PCDHA10: variants seen among roughly 807,000 people sequenced by gnomAD.
PCDHA10 encodes the protein protocadherin alpha-10.
PCDHA10 carries 45 observed loss-of-function variants against 61.2 expected under a neutral mutation model. The observed-to-expected ratio is 0.74, with a 90% CI of 0.58 to 0.94. PCDHA10 has a LOEUF of 0.94. Among genes scored for constraint, PCDHA10 ranks in the 40% least tolerant of loss-of-function variants. The probability of loss-of-function intolerance (pLI) is 0.00; values close to 1 mark genes in which losing one functional copy is unlikely to be tolerated. For missense variants in PCDHA10, 1,278 were observed against 1,236.2 expected, an observed-to-expected ratio of 1.03 and a Z score of -0.51; for synonymous variants, 602 against 548.8, an observed-to-expected ratio of 1.10 and a Z score of -1.35.
chr5:140,883,552 G>A, intron 1 of PCDHA10: 2 of 1,614,234 alleles, frequency 1.2e-6, no homozygotes, highest in South Asian at 1.1e-5. Flanking sequence ...TGACCGCGCG[G>A]GACGGGGGCT....
At chr5:140,903,608 C>G (rs2070424862) in intron 1 of PCDHA10, among the ~76,000 whole-genome samples, 1 of 152,124 alleles carries the variant, frequency 6.6e-6, no homozygotes, top group African/African-American at 2.4e-5. Flanking sequence ...GCTTAATACA[C>G]ATGAATGTGC....
At chr5:140,912,292 C>A (rs527420621) in intron 1 of PCDHA10, among the ~76,000 whole-genome samples, 13 of 152,184 alleles carry the variant, frequency 8.5e-5, no homozygotes, top group Non-Finnish European at 1.8e-4. Context: ...CAATACTTTG[C>A]CTCCTGTAAT....
chr5:140,940,195 T>C (rs2092570084), intron 1 of PCDHA10, among the ~76,000 whole-genome samples: 1 of 152,220 alleles, frequency 6.6e-6, no homozygotes, highest in African/African-American at 2.4e-5. Flanking sequence ...TTTACATGGG[T>C]GTAAAATTCA....
intron 1 of PCDHA10, among the ~76,000 whole-genome samples, chr5:140,956,551 C>G (rs995941205): frequency 1.3e-5 from 2 of 152,148 alleles, no homozygotes; most frequent in Non-Finnish European, 2.9e-5. Flanking sequence ...ATTTGGTTTG[C>G]CAGTATCTTA....
At chr5:140,868,860 A>C (rs2050688614) in intron 1 of PCDHA10, 1 of 525,418 alleles carries the variant, frequency 1.9e-6, no homozygotes, top group Admixed American at 3.7e-5. Context: ...GTGGTGGTAA[A>C]TGCAGTGCAC....
intron 1 of PCDHA10, among the ~76,000 whole-genome samples, chr5:140,961,052 G>A (rs942442138): frequency 7.9e-5 from 12 of 152,272 alleles, no homozygotes; most frequent in African/African-American, 2.9e-4. Flanking sequence ...TTAACAAAAT[G>A]TTGAATGGGA....
rs70988781 is a variant in PCDHA10 at position 140,941,319 on chromosome 5, CTT to C, written c.2389-37616_2389-37615del. Among the ~76,000 whole-genome samples, 109 of 104,374 alleles carry C rather than the reference CTT, an allele frequency of 1.0e-3. 2 individuals are homozygous for C. Among genetic ancestry groups the C allele is most frequent in the East Asian group, 2.8e-3 (11 of 3,932 alleles). The allele number at this position is 104,374 out of a possible 152,430, so 68.5% of individuals were successfully genotyped here. A position where few individuals can be genotyped will look rare whatever the true frequency, so the allele number is the denominator to read the frequency against. ...TTCTTTCTTTCTTTTTCTTCTTTCT[CTT>C]TTTTTTTTTTTTTCAGATGGAGTCT... On this transcript the variant is annotated intron_variant, in intron 1 of 3. Coordinates refer to ENST00000307360, the MANE Select transcript of PCDHA10 (RefSeq NM_018901.4).
chr5:140,882,935 ACTGGCACAGTTCAG>A (rs2153388631), intron 1 of PCDHA10: 1 of 1,614,238 alleles, frequency 6.2e-7, no homozygotes, highest in East Asian at 2.2e-5. Flanking sequence ...ACCCGAGCTG[ACTGGCACAGTTCAG>A]CTGCTCATCA....
intron 1 of PCDHA10, chr5:140,966,476 C>G: frequency 2.3e-6 from 1 of 432,972 alleles, no homozygotes; most frequent in Non-Finnish European, 4.0e-6. Flanking sequence ...CTTCTGTTTC[C>G]TTTTCCCTCC....
intron 1 of PCDHA10, among the ~76,000 whole-genome samples, chr5:140,880,929 A>T (rs2058535682): frequency 6.6e-6 from 1 of 152,232 alleles, no homozygotes; most frequent in African/African-American, 2.4e-5. Flanking sequence ...TATGTTAGTA[A>T]AAGTAATGGA....
intron 3 of PCDHA10, among the ~76,000 whole-genome samples, chr5:140,986,316 C>T (rs1407067646): frequency 2.0e-5 from 3 of 152,146 alleles, no homozygotes; most frequent in African/African-American, 7.2e-5. Context: ...TTAGCTAAAT[C>T]AGGAATGCAG....
intron 1 of PCDHA10, among the ~76,000 whole-genome samples, chr5:140,900,556 C>T (rs757442954): frequency 4.6e-5 from 7 of 152,168 alleles, no homozygotes; most frequent in Non-Finnish European, 5.9e-5. Flanking sequence ...GGATTACAGG[C>T]GTGAGCCACG....
At chr5:140,969,175 T>C in intron 1 of PCDHA10, 7 of 1,613,046 alleles carry the variant, frequency 4.3e-6, no homozygotes, top group Non-Finnish European at 5.9e-6. Context: ...GCTCAGGGAG[T>C]GACACTTTCA....
intron 1 of PCDHA10, among the ~76,000 whole-genome samples, chr5:140,924,894 C>CAAAA (rs782133089): frequency 2.8e-5 from 2 of 71,514 alleles, no homozygotes; most frequent in Non-Finnish European, 3.2e-5. Flanking sequence ...GAACCTGTCT[C>CAAAA]AAAAAAAAAA....
At position 140,858,165 on chromosome 5, in the gene PCDHA10, C is replaced by T; in HGVS notation, c.2117C>T (p.Ser706Phe). 1 of 1,597,786 alleles carries T rather than the reference C, an allele frequency of 6.3e-7. No homozygotes were observed. The highest frequency in any genetic ancestry group is 8.6e-7 in the Non-Finnish European group (1 of 1,167,484). The change falls in exon 1 of 4, where the codon TCC (serine) becomes TTC (phenylalanine). Residue 706 changes from serine to phenylalanine, a missense_variant. Physicochemically the swap from Ser to Phe is radical, Grantham distance 155. Coordinates refer to ENST00000307360, the MANE Select transcript of PCDHA10 (RefSeq NM_018901.4). The stretch of plus-strand genomic sequence containing the variant: ...CTGATCATCGCCATCTGCGCGGTGT[C>T]CAGCTTGCTGGTGCTCACGCTGCTG... Reference protein sequence around the residue: ...VYLIIAICAVSSLLVLTLLLY... With the variant: ...VYLIIAICAVFSLLVLTLLLY...
At chr5:140,989,321 C>T (rs898791820) in intron 3 of PCDHA10, among the ~76,000 whole-genome samples, 2 of 152,296 alleles carry the variant, frequency 1.3e-5, no homozygotes, top group Non-Finnish European at 1.5e-5. Context: ...GTCTCACCAA[C>T]TTTGCCACCT....
intron 1 of PCDHA10, chr5:140,969,073 G>T (rs781937942): frequency 2.5e-6 from 4 of 1,614,092 alleles, no homozygotes; most frequent in South Asian, 2.2e-5. Flanking sequence ...CCAGGATACC[G>T]CATGGCCTCA....
At chr5:140,918,742 A>T (rs2078833886) in intron 1 of PCDHA10, among the ~76,000 whole-genome samples, 1 of 152,170 alleles carries the variant, frequency 6.6e-6, no homozygotes, top group Non-Finnish European at 1.5e-5. Context: ...GCCCTTATAA[A>T]AGAGGCCCAG....
At chr5:140,985,129 G>T (rs545746675) in intron 3 of PCDHA10, among the ~76,000 whole-genome samples, 15 of 152,188 alleles carry the variant, frequency 9.9e-5, no homozygotes, top group Admixed American at 8.5e-4. Context: ...AGTAAAGACG[G>T]GGTTTCACCG....
Sources: gnomAD v4.1 joint callset for allele counts (sites outside exome capture counted in the v4.1 genomes callset) on GRCh38, gnomAD v4.1.1 for gene constraint, MANE v1.5 for transcripts, NCBI Gene and HGNC (gene_info 2026-07-23, HGNC 2026-07-21) for gene names.